The following LINGO2 variants were observed in gnomAD, a reference collection of about 807,000 sequenced individuals.
LINGO2 encodes the protein leucine rich repeat and Ig domain containing 2.
In LINGO2, 14 loss-of-function variants were observed where a neutral mutation model predicts 30.6. The observed-to-expected ratio is 0.46, with a 90% CI of 0.30 to 0.72. The LOEUF is 0.72. LINGO2 is among the 30% of genes least tolerant of loss of function. LINGO2 has a pLI of 0.07. For missense variants in LINGO2, 729 were observed against 751.7 expected (o/e 0.97, Z 0.35); for synonymous variants, 317 against 288.5 (o/e 1.10, Z -1.00).
Position 28,189,579 on chromosome 9 carries a change from GGGAGGGAGGAAGGAAGGAAGGGAGGA to G in LINGO2, c.-87+105603_-87+105628del, listed in dbSNP as rs1220562254. Among the ~76,000 whole-genome samples the G allele has an allele frequency of 8.6e-4, 30 of 34,834 alleles. 1 individual carries two copies. Among genetic ancestry groups the G allele is most frequent in the Non-Finnish European group, 1.4e-3 (21 of 14,738 alleles). The allele number at this position is 34,834 out of a possible 152,430, so 22.9% of individuals were successfully genotyped here. A position where few individuals can be genotyped will look rare whatever the true frequency, so the allele number is the denominator to read the frequency against. ...AGGAAGGGAGGAAGGAAGGAAGGAA[GGGAGGGAGGAAGGAAGGAAGGGAGGA>G]AGGAAGGGAGGGAGGGAGGAAGGGA... On this transcript the variant is annotated intron_variant, in intron 4 of 5. Coordinates refer to ENST00000379992, the Ensembl canonical transcript of LINGO2.
At chr9:28,877,819 T>A in the LINGO2 span, among the ~76,000 whole-genome samples, 1 of 152,182 alleles carries the variant, frequency 6.6e-6, no homozygotes, top group Non-Finnish European at 1.5e-5. Flanking sequence ...GGGGATGGCA[T>A]TGAATCTATA....
At chr9:28,055,070 T>C (rs1248429271) in intron 4 of LINGO2, among the ~76,000 whole-genome samples, 1 of 152,104 alleles carries the variant, frequency 6.6e-6, no homozygotes, top group Non-Finnish European at 1.5e-5. Context: ...GGAAGCTAGA[T>C]GGTAATCAAA....
the LINGO2 span, among the ~76,000 whole-genome samples, chr9:29,153,400 C>G: frequency 6.6e-6 from 1 of 152,006 alleles, no homozygotes; most frequent in Admixed American, 6.6e-5. Flanking sequence ...TGTTAATTAT[C>G]CAGTTCTCAT....
At chr9:28,607,313 A>T (rs1825735178) in intron 1 of LINGO2, among the ~76,000 whole-genome samples, 1 of 152,068 alleles carries the variant, frequency 6.6e-6, no homozygotes, top group African/African-American at 2.4e-5. Flanking sequence ...TACAATGTGG[A>T]GGTTTTGACA....
At chr9:29,184,573 G>A in the LINGO2 span, among the ~76,000 whole-genome samples, 14 of 152,020 alleles carry the variant, frequency 9.2e-5, no homozygotes, top group African/African-American at 3.4e-4. Context: ...TCCCAATTTA[G>A]GTAGTTGAAT....
intron 4 of LINGO2, among the ~76,000 whole-genome samples, chr9:28,094,912 A>G (rs553157901): frequency 6.6e-6 from 1 of 152,268 alleles, no homozygotes; most frequent in East Asian, 1.9e-4. Context: ...ATGGCCTCTT[A>G]GAGGACCTAG....
chr9:28,981,365 G>T, the LINGO2 span, among the ~76,000 whole-genome samples: 3 of 84,158 alleles, frequency 3.6e-5, no homozygotes, highest in Non-Finnish European at 9.2e-5. Context: ...CTCTACTTAA[G>T]ATCCTTAGAT....
chr9:29,170,872 A>G, the LINGO2 span, among the ~76,000 whole-genome samples: 1 of 152,188 alleles, frequency 6.6e-6, no homozygotes, highest in Non-Finnish European at 1.5e-5. Flanking sequence ...TTAGTGAATT[A>G]AATTCAAATG....
At chr9:28,724,724 C>G in the LINGO2 span, among the ~76,000 whole-genome samples, 1 of 152,068 alleles carries the variant, frequency 6.6e-6, no homozygotes, top group African/African-American at 2.4e-5. Context: ...GAGGGAAAAG[C>G]CCACAAAGAG....
In LINGO2 at chr9:28,633,067, G is replaced by T. The variant is rs2135891547; in HGVS notation, c.-365+37133C>A. Reference sequence around the variant, plus strand: ...TCAAGGGCAGGAAGCATCCAGCATAGGAGAAAGATGTAGACTAGGAGGCTA... The same window carrying T: ...TCAAGGGCAGGAAGCATCCAGCATATGAGAAAGATGTAGACTAGGAGGCTA... On this transcript the variant is annotated intron_variant, in intron 1 of 5. Coordinates refer to ENST00000379992, the Ensembl canonical transcript of LINGO2. Among the ~76,000 whole-genome samples, 3 of 151,556 alleles carry T rather than the reference G, an allele frequency of 2.0e-5. No homozygotes were observed. In the Middle Eastern group the frequency reaches 0.01, roughly 523 times the overall value.
chr9:28,404,564 G>A (rs906281186), intron 2 of LINGO2, among the ~76,000 whole-genome samples: 4 of 152,170 alleles, frequency 2.6e-5, no homozygotes, highest in African/African-American at 9.7e-5. Flanking sequence ...TATGAAGTAT[G>A]AGAACCTATA....
chr9:28,281,702 T>C (rs1343787460), intron 4 of LINGO2, among the ~76,000 whole-genome samples: 2 of 152,092 alleles, frequency 1.3e-5, no homozygotes, highest in African/African-American at 2.4e-5. Context: ...GGATAGGTGA[T>C]ATCACAAATA....
the LINGO2 span, among the ~76,000 whole-genome samples, chr9:28,934,821 G>C: frequency 2.6e-5 from 4 of 152,078 alleles, no homozygotes; most frequent in African/African-American, 9.7e-5. Context: ...TTTGTACAAA[G>C]GGTGATTCAA....
intron 1 of LINGO2, among the ~76,000 whole-genome samples, chr9:28,536,408 A>G (rs1176259048): frequency 6.6e-6 from 1 of 152,140 alleles, no homozygotes; most frequent in South Asian, 2.1e-4. Flanking sequence ...TTTTTCAGTT[A>G]AGTTAAAAGC....
chr9:29,118,888 T>C, the LINGO2 span, among the ~76,000 whole-genome samples: 1 of 152,154 alleles, frequency 6.6e-6, no homozygotes, highest in African/African-American at 2.4e-5. Context: ...TACCCATCCA[T>C]GCCCCAGTAA....
At chr9:28,316,519 T>C (rs1824852458) in intron 3 of LINGO2, among the ~76,000 whole-genome samples, 1 of 152,036 alleles carries the variant, frequency 6.6e-6, no homozygotes, top group Admixed American at 6.6e-5. Flanking sequence ...CATAGCTAAT[T>C]TGAAAAACTT....
At chr9:28,143,921 A>G (rs1827743712) in intron 4 of LINGO2, among the ~76,000 whole-genome samples, 1 of 152,182 alleles carries the variant, frequency 6.6e-6, no homozygotes, top group South Asian at 2.1e-4. Context: ...TTTTATAAAA[A>G]CTTTTGTTGT....
At chr9:28,572,994 T>C (rs1038120152) in intron 1 of LINGO2, among the ~76,000 whole-genome samples, 1 of 152,148 alleles carries the variant, frequency 6.6e-6, no homozygotes, top group Admixed American at 6.6e-5. Flanking sequence ...TTTAATCTTA[T>C]TATGCATATT....
At chr9:28,965,285 C>T in the LINGO2 span, among the ~76,000 whole-genome samples, 2 of 151,830 alleles carry the variant, frequency 1.3e-5, no homozygotes, top group Non-Finnish European at 2.9e-5. Flanking sequence ...TTTATTTAAA[C>T]CCAAGTAACC....
Sources: gnomAD v4.1 joint callset for allele counts (sites outside exome capture counted in the v4.1 genomes callset) on GRCh38, gnomAD v4.1.1 for gene constraint, MANE v1.5 for transcripts, NCBI Gene and HGNC (gene_info 2026-07-23, HGNC 2026-07-21) for gene names.